Variants in CFAP100 observed in about 807,000 individuals in gnomAD.
CFAP100 encodes the protein cilia and flagella associated protein 100.
A neutral mutation model predicts 81.5 loss-of-function variants in CFAP100; 70 were observed. The ratio of observed to expected loss-of-function variants is 0.86; its 90% CI spans 0.71 to 1.05. The LOEUF is 1.05. CFAP100 is among the 50% of genes least tolerant of loss of function. The pLI is 0.00. For synonymous variants in CFAP100, 341 were observed against 314.8 expected (o/e 1.08, Z -0.88); for missense variants, 811 against 776.5 (o/e 1.04, Z -0.53).
rs755444927 is a variant in CFAP100 at position 126,419,135 on chromosome 3, C to T, written c.710C>T (p.Thr237Ile). 1.3e-6 allele frequency: 2 copies of T among 1,585,010 alleles called. No individual in the cohort carries two copies. Among genetic ancestry groups the T allele is most frequent in the Non-Finnish European group, 1.7e-6 (2 of 1,164,316 alleles). The change falls in exon 8 of 17, where the codon ACC becomes ATC. Residue 237 changes from threonine (T) to isoleucine (I), a missense_variant. Transcript: ENST00000352312. ...EKILEIRDLT[T>I]QIVNIKSEIS... Reference sequence around the variant, plus strand: ...ATCCTTGAGATCCGGGACCTCACCACCCAGATTGTTAATATCAAAAGGTGA... The same window carrying T: ...ATCCTTGAGATCCGGGACCTCACCATCCAGATTGTTAATATCAAAAGGTGA...
At chr3:126,400,578 C>A (rs898745296) in intron 2 of CFAP100, among the ~76,000 whole-genome samples, 2 of 151,948 alleles carry the variant, frequency 1.3e-5, no homozygotes, top group Non-Finnish European at 2.9e-5. Flanking sequence ...ATGGTGAAAC[C>A]CTGTCTCTAC....
chr3:126,432,837 C>T (rs7647378), intron 13 of CFAP100: 97,618 of 394,582 alleles, frequency 0.25, 12,960 homozygotes, highest in East Asian at 0.38. Context: ...GTGAATTATG[C>T]CTCAATGAAG....
intron 3 of CFAP100, among the ~76,000 whole-genome samples, chr3:126,411,361 G>GTTTTTTTTTTTTTTTTTT (rs58954079): frequency 7.3e-4 from 26 of 35,384 alleles, no homozygotes; most frequent in East Asian, 4.3e-3. Flanking sequence ...GTTGTTGTTG[G>GTTTTTTTTTTTTTTTTTT]TTTTTTTTTT....
chr3:126,413,968 C>T (rs1560068983), intron 3 of CFAP100, 117 bp from the exon 4 acceptor site: 3 of 745,396 alleles, frequency 4.0e-6, no homozygotes, highest in South Asian at 3.1e-5. Flanking sequence ...CAGGGGGAAC[C>T]TTCCCACTCA....
intron 11 of CFAP100, among the ~76,000 whole-genome samples, chr3:126,422,975 G>A (rs1426319830): frequency 6.6e-6 from 1 of 152,218 alleles, no homozygotes; most frequent in East Asian, 1.9e-4. Context: ...TGCCTGGCAT[G>A]ACCCAAGAGG....
chr3:126,421,315 G>A lies in CFAP100; in HGVS notation c.1082+1086G>A, dbSNP rs536580266. ...CACTACACCTGGCCACCTTATTTCTGTTCACTATTGTCTTTTGAAGAACAG... is the reference window on the plus strand; with the variant it reads ...CACTACACCTGGCCACCTTATTTCTATTCACTATTGTCTTTTGAAGAACAG... On this transcript the variant is annotated intron_variant, in intron 11 of 16. Transcript: ENST00000352312. 3.9e-5 allele frequency among the ~76,000 whole-genome samples: 6 copies of A among 152,302 alleles called. No individual in the cohort carries two copies. The East Asian group carries it at 1.2e-3, about 29-fold the overall frequency.
chr3:126,423,898 C>G (rs937505860), intron 13 of CFAP100, among the ~76,000 whole-genome samples: 2 of 152,256 alleles, frequency 1.3e-5, no homozygotes, highest in Non-Finnish European at 2.9e-5. Flanking sequence ...CCAGGCCTCT[C>G]CAAGGACCTT....
At position 126,396,184 on chromosome 3, in the gene CFAP100, C is replaced by A. The variant is rs896958505; in HGVS notation, c.49+135C>A. 4.9e-5 allele frequency: 34 copies of A among 694,494 alleles called. No individual in the cohort carries two copies. The Admixed American group carries it at 7.7e-4, about 16-fold the overall frequency. 43.0% of individuals were successfully genotyped at this position (694,494 alleles called of 1,614,324 possible). A position where few individuals can be genotyped will look rare whatever the true frequency, so the allele number is the denominator to read the frequency against. ...ATAGATCTGCCTACTTCCCTTGAAA[C>A]AAGGCATATGGATTGCCTGCAGCTG... On this transcript the variant is annotated intron_variant, in intron 2 of 16. Transcript: ENST00000352312.
At chr3:126,415,432 G>A (rs2083220900) in intron 4 of CFAP100, among the ~76,000 whole-genome samples, 1 of 135,578 alleles carries the variant, frequency 7.4e-6, no homozygotes. Flanking sequence ...TCCCCCTCCC[G>A]ACAGGGTCCC....
At position 126,394,982 on chromosome 3, in the gene CFAP100, G is replaced by T; in HGVS notation, c.-60+4G>T. 6.5e-6 allele frequency: 1 copy of T among 152,678 alleles called. No individual in the cohort carries two copies. The highest frequency in any genetic ancestry group is 2.0e-4 in the South Asian group (1 of 5,074). The allele number at this position is 152,678 out of a possible 1,614,324, so 9.5% of individuals were successfully genotyped here. A position where few individuals can be genotyped will look rare whatever the true frequency, so the allele number is the denominator to read the frequency against. ...CGAGCCGGGGCAGTCGGGGTCGGTGGGTGCGCTCGCGGTCCGGGGAGAGGG... is the reference window on the plus strand; with the variant it reads ...CGAGCCGGGGCAGTCGGGGTCGGTGTGTGCGCTCGCGGTCCGGGGAGAGGG... On this transcript the variant is annotated splice_donor_region_variant and intron_variant, in intron 1 of 16. Coordinates refer to ENST00000352312, the MANE Select transcript of CFAP100 (RefSeq NM_182628.3).
intron 2 of CFAP100, among the ~76,000 whole-genome samples, chr3:126,401,424 T>C (rs1340364297): frequency 8.5e-6 from 1 of 118,006 alleles, no homozygotes; most frequent in Non-Finnish European, 1.7e-5. Context: ...TATATATATA[T>C]ATATATATAT....
chr3:126,401,109 G>A (rs1179985634), intron 2 of CFAP100, among the ~76,000 whole-genome samples: 2 of 151,882 alleles, frequency 1.3e-5, no homozygotes, highest in Non-Finnish European at 2.9e-5. Flanking sequence ...GTATGATTCC[G>A]CTCATATAAG....
intron 2 of CFAP100, among the ~76,000 whole-genome samples, chr3:126,399,588 C>T (rs1249469839): frequency 6.6e-6 from 1 of 152,160 alleles, no homozygotes; most frequent in East Asian, 1.9e-4. Flanking sequence ...CAGTTTGTCT[C>T]TGTTCACCAG....
chr3:126,414,240 G>T, intron 4 of CFAP100, 61 bp downstream of exon 4: 2 of 1,215,376 alleles, frequency 1.6e-6, no homozygotes, highest in Non-Finnish European at 2.5e-6. Context: ...CTGCTTCCTG[G>T]AGTGGCCACA....
At chr3:126,416,251 G>T (rs553678894) in intron 4 of CFAP100, 65 bp from the exon 5 acceptor site, 3 of 1,440,382 alleles carry the variant, frequency 2.1e-6, no homozygotes, top group Non-Finnish European at 2.8e-6. Flanking sequence ...ATGGGGAACC[G>T]CGCGGGGAGG....
At chr3:126,433,867 G>A in intron 14 of CFAP100, 1 of 372,928 alleles carries the variant, frequency 2.7e-6, no homozygotes, top group Non-Finnish European at 4.9e-6. Context: ...AGAAGACATA[G>A]CCCTGTGGGG....
At chr3:126,420,459 G>A (rs1240235141) in intron 11 of CFAP100, among the ~76,000 whole-genome samples, 1 of 152,246 alleles carries the variant, frequency 6.6e-6, no homozygotes, top group South Asian at 2.1e-4. Flanking sequence ...AGGTTGAGGC[G>A]GGTGAGCAGG....
chr3:126,427,092 A>G (rs565901422), intron 13 of CFAP100, among the ~76,000 whole-genome samples: 55 of 152,352 alleles, frequency 3.6e-4, no homozygotes, highest in African/African-American at 1.3e-3. Context: ...CTTGATCTAT[A>G]ACTTCAATGC....
chr3:126,426,451 T>A (rs776784502), intron 13 of CFAP100, among the ~76,000 whole-genome samples: 16 of 140,704 alleles, frequency 1.1e-4, no homozygotes, highest in Non-Finnish European at 1.2e-4. Context: ...TGAGACCCTG[T>A]CTTAAAAAAA....
Sources: allele counts gnomAD v4.1 joint callset (sites outside exome capture counted in the v4.1 genomes callset), GRCh38; gene constraint gnomAD v4.1.1; transcripts MANE v1.5; gene names NCBI Gene and HGNC (gene_info 2026-07-23, HGNC 2026-07-21).